Variants in HPS1 observed in about 807,000 individuals in gnomAD.
The protein encoded by HPS1 is HPS1 biogenesis of lysosomal organelles complex 3 subunit 1.
A neutral mutation model predicts 90.6 loss-of-function variants in HPS1; 59 were observed. The observed-to-expected ratio is 0.65, with a 90% CI of 0.53 to 0.81. The LOEUF (loss-of-function observed/expected upper bound fraction) is 0.81. HPS1 is among the 30% of genes least tolerant of loss of function. The pLI is 0.00. For missense variants in HPS1, 849 were observed against 896.7 expected (o/e 0.95, Z 0.68); for synonymous variants, 388 against 384.4 (o/e 1.01, Z -0.11).
In HPS1 at chr10:98,435,334, G is replaced by A. The variant is rs1222121378; in HGVS notation, c.336C>T (p.Leu112=). ...CAAAGTGCACTTCAAACAGGTACTT[G>A]AGCACATACAGCTTCCGCCGCAGGT... ...EGDLRRKLYV[L]KYLFEVHFGL... is the part of the protein sequence containing the mutation. The change falls in exon 5 of 20, where the codon CTC becomes CTT. Residue 112 remains leucine (L), a synonymous_variant. Coordinates refer to ENST00000361490, the MANE Select transcript of HPS1 (RefSeq NM_000195.5). The surrounding 1 kb of genome is among the most constrained non-coding windows in gnomAD (Gnocchi z 4.3). 5.0e-6 allele frequency: 8 copies of A among 1,613,956 alleles called. No individual in the cohort carries two copies. In the East Asian group the frequency reaches 8.9e-5, roughly 18 times the overall value.
intron 5 of HPS1, 143 bp from the exon 6 acceptor site, chr10:98,434,234 G>C (rs1208840263): frequency 8.5e-6 from 7 of 827,412 alleles, no homozygotes; most frequent in Admixed American, 2.8e-5. Flanking sequence ...AAGGGGGCCA[G>C]GTTTCCGGCC....
rs748191710 is a variant in HPS1 at position 98,423,890 on chromosome 10, G to A, written c.1398-3C>T. 5.0e-6 allele frequency: 8 copies of A among 1,613,460 alleles called. No individual in the cohort carries two copies. The highest frequency in any genetic ancestry group is 6.8e-6 in the Non-Finnish European group (8 of 1,180,002). On this transcript the variant is annotated splice_polypyrimidine_tract_variant and splice_region_variant and intron_variant, in intron 14 of 19. Transcript: ENST00000361490. ...GCTTCCCACATGCCTGGAGCAGCCT[G>A]AGCACGAGAGAGGAGGGCATTACAG...
In HPS1 at chr10:98,435,370, C is replaced by T. The variant is rs1801285; in HGVS notation, c.300G>A (p.Glu100=). Residue 100 remains glutamate (E), a synonymous_variant, in exon 5 of 20, where the codon GAG becomes GAA. Transcript: ENST00000361490. This position sits in a 1 kb window ranked among gnomAD's most constrained non-coding sequence, Gnocchi z 4.3. The part of the protein sequence containing the change: ...LFIAINGDHT[E]SEGDLRRKLY... ...GCTTCCGCCGCAGGTCCCCCTCGCTCTCGGTGTGGTCACCATTGATGGCAA... is the reference window on the plus strand; with the variant it reads ...GCTTCCGCCGCAGGTCCCCCTCGCTTTCGGTGTGGTCACCATTGATGGCAA... 1 of 1,614,062 alleles carries T rather than the reference C, an allele frequency of 6.2e-7. No homozygotes were observed. Among genetic ancestry groups the T allele is most frequent in the Non-Finnish European group, 8.5e-7 (1 of 1,180,022 alleles).
chr10:98,423,752 C>T lies in HPS1; in HGVS notation c.1532+1G>A. The T allele has an allele frequency of 1.9e-6, 3 of 1,614,108 alleles. No individual in the cohort carries two copies. Among genetic ancestry groups the T allele is most frequent in the Non-Finnish European group, 2.5e-6 (3 of 1,180,036 alleles). The stretch of plus-strand genomic sequence containing the variant: ...CACCCAGGGGGCCGCACTGCACTTA[C>T]CGCATGAGCCTCTGCACTTGGTCCT... On this transcript the variant is annotated splice_donor_variant, in intron 15 of 19. Transcript: ENST00000361490. LOFTEE classifies it high-confidence loss of function.
downstream of HPS1, among the ~76,000 whole-genome samples, chr10:98,415,792 A>G (rs1245478047): frequency 6.6e-6 from 1 of 152,202 alleles, no homozygotes; most frequent in Non-Finnish European, 1.5e-5. Flanking sequence ...ACGAGGGCTT[A>G]GGGGCAAGTT....
intron 19 of HPS1, 140 bp downstream of exon 19, chr10:98,418,035 C>T: frequency 1.5e-6 from 1 of 685,474 alleles, no homozygotes. Flanking sequence ...GCACACAGGG[C>T]CAGCCGGGAA....
At chr10:98,422,345 C>A in intron 17 of HPS1, 24 bp downstream of exon 17, 5 of 1,604,010 alleles carry the variant, frequency 3.1e-6, no homozygotes, top group South Asian at 1.1e-5. Flanking sequence ...CCCACCCATC[C>A]CCGCCCTGGG....
intron 7 of HPS1, 49 bp downstream of exon 7, chr10:98,431,082 G>A: frequency 1.3e-6 from 2 of 1,597,686 alleles, no homozygotes; most frequent in Non-Finnish European, 1.7e-6. Flanking sequence ...ATAGGGGAGT[G>A]AGAAGGCCAG....
At position 98,446,246 on chromosome 10, in the gene HPS1, G is replaced by A. The variant is rs1221845959; in HGVS notation, c.-106+561C>T. Among the ~76,000 whole-genome samples the A allele has an allele frequency of 1.3e-5, 2 of 152,168 alleles. 1 individual carries two copies. The highest frequency in any genetic ancestry group is 4.2e-4 in the South Asian group (2 of 4,810). ...GCTCCATCACCCACATGATTGGCCCGAATGCCATATTCCCGAAACAGGGGG... is the reference window on the plus strand; with the variant it reads ...GCTCCATCACCCACATGATTGGCCCAAATGCCATATTCCCGAAACAGGGGG... On this transcript the variant is annotated intron_variant, in intron 1 of 19. Transcript: ENST00000361490.
intron 3 of HPS1, among the ~76,000 whole-genome samples, chr10:98,441,950 A>G (rs7909297): frequency 0.13 from 19,584 of 152,290 alleles, 1,529 homozygotes; most frequent in South Asian, 0.22. Flanking sequence ...ATACACCTAC[A>G]TGACCTAGCC....
chr10:98,439,652 A>G (rs1938052669), intron 3 of HPS1, among the ~76,000 whole-genome samples: 1 of 152,158 alleles, frequency 6.6e-6, no homozygotes, highest in Admixed American at 6.5e-5. Flanking sequence ...GCCTTGTCTC[A>G]GGTGAGACTT....
At chr10:98,414,056 CAT>C (rs1843880676), downstream of HPS1, 1 of 151,834 alleles carries the variant, frequency 6.6e-6, no homozygotes, top group Non-Finnish European at 1.5e-5. Context: ...GTACGTAACA[CAT>C]ATACATATAT....
At chr10:98,432,115 T>G (rs1243450485) in intron 6 of HPS1, among the ~76,000 whole-genome samples, 1 of 152,230 alleles carries the variant, frequency 6.6e-6, no homozygotes, top group African/African-American at 2.4e-5. Flanking sequence ...TAGCACTCAG[T>G]AAGCGTGGAC....
At chr10:98,443,293 C>T in intron 2 of HPS1, 53 bp from the exon 3 acceptor site, 2 of 1,363,340 alleles carry the variant, frequency 1.5e-6, no homozygotes, top group Non-Finnish European at 2.1e-6. Context: ...CATCTATGAG[C>T]TCAGTCTGAG....
intron 3 of HPS1, among the ~76,000 whole-genome samples, chr10:98,438,483 AT>A (rs1937786278): frequency 6.6e-6 from 1 of 152,218 alleles, no homozygotes; most frequent in African/African-American, 2.4e-5. Flanking sequence ...GACCGGCAGC[AT>A]TTTGCCCCTG....
chr10:98,430,741 G>T, intron 7 of HPS1, 71 bp from the exon 8 acceptor site: 3 of 1,288,990 alleles, frequency 2.3e-6, no homozygotes, highest in Non-Finnish European at 2.2e-6. Context: ...GGTTAAAGGA[G>T]TGTGGAGCCT....
chr10:98,429,804 C>G lies in HPS1; in HGVS notation c.854G>C (p.Ser285Thr), dbSNP rs558240600. Residue 285 changes from serine (S) to threonine (T), a missense_variant, in exon 9 of 20, where the codon AGC becomes ACC. Coordinates refer to ENST00000361490, the MANE Select transcript of HPS1 (RefSeq NM_000195.5). Reference sequence around the variant, plus strand: ...CACAGCACACACCGTCTCTGCAGAGCTCCCCCCAGTTGGGCCCGTGGAGTG... The same window carrying G: ...CACAGCACACACCGTCTCTGCAGAGGTCCCCCCAGTTGGGCCCGTGGAGTG... ...SPHSTGPTGG[S>T]SAETETDSFS... 12 of 1,613,720 alleles carry G rather than the reference C, an allele frequency of 7.4e-6. No homozygotes were observed. Among genetic ancestry groups the G allele is most frequent in the Middle Eastern group, 1.6e-4 (1 of 6,084 alleles).
intron 11 of HPS1, among the ~76,000 whole-genome samples, chr10:98,426,563 CACATG>C (rs1845626942): frequency 6.6e-6 from 1 of 152,190 alleles, no homozygotes; most frequent in South Asian, 2.1e-4. Flanking sequence ...AAACACTGGA[CACATG>C]ACGCGATTTT....
rs1012383413 is a variant in HPS1 at position 98,416,709 on chromosome 10, A to C, written c.*855T>G. ...ACCGGCCTCCTGGCCTCAGAGGAGC[A>C]GACACTCCCAGTCCCAGGGCTCTCA... On this transcript the variant is annotated 3_prime_UTR_variant, in exon 20 of 20. Transcript: ENST00000361490. 8 of 152,340 alleles carry C rather than the reference A, an allele frequency of 5.3e-5. No individual in the cohort carries two copies. The highest frequency in any genetic ancestry group is 3.2e-3 in the Middle Eastern group (1 of 316). 9.4% of individuals were successfully genotyped at this position (152,340 alleles called of 1,614,324 possible).
Sources: gnomAD v4.1 joint callset for allele counts (sites outside exome capture counted in the v4.1 genomes callset) on GRCh38, gnomAD v4.1.1 for gene constraint, Gnocchi (gnomAD v3.1) non-coding constraint, MANE v1.5 for transcripts, NCBI Gene and HGNC (gene_info 2026-07-23, HGNC 2026-07-21) for gene names.